CCDC88C: variants seen among roughly 807,000 people sequenced by gnomAD.
CCDC88C encodes the protein coiled-coil and HOOK domain protein 88C.
A neutral mutation model predicts 198.8 loss-of-function variants in CCDC88C; 131 were observed. The observed-to-expected ratio is 0.66, with a 90% CI of 0.57 to 0.76. CCDC88C has a LOEUF of 0.76. Among genes scored for constraint, CCDC88C ranks in the 30% least tolerant of loss-of-function variants. The pLI is 0.00. For missense variants in CCDC88C, 2,553 were observed against 2,631.6 expected, an observed-to-expected ratio of 0.97 and a Z score of 0.65; for synonymous variants, 1,166 against 1,114.7, an observed-to-expected ratio of 1.05 and a Z score of -0.92.
rs1889770265 is a variant in CCDC88C, at chr14:91,272,355, T to C, written c.*270A>G. The C allele has an allele frequency of 1.4e-5, 7 of 484,200 alleles. 1 individual carries two copies. The highest frequency in any genetic ancestry group is 7.7e-5 in the South Asian group (3 of 38,744). 30.0% of individuals were successfully genotyped at this position (484,200 alleles called of 1,614,324 possible). A position where few individuals can be genotyped will look rare whatever the true frequency, so the allele number is the denominator to read the frequency against. ...AAGTCAGTTTGTCATTGCATCCTAATTGGTCCCCATGCTGACGTGGATTAT... is the reference window on the plus strand; with the variant it reads ...AAGTCAGTTTGTCATTGCATCCTAACTGGTCCCCATGCTGACGTGGATTAT... On this transcript the variant is annotated 3_prime_UTR_variant, in exon 30 of 30. Transcript: ENST00000389857.
At chr14:91,393,406 C>A (rs911110484) in intron 3 of CCDC88C, among the ~76,000 whole-genome samples, 1 of 152,160 alleles carries the variant, frequency 6.6e-6, no homozygotes, top group Non-Finnish European at 1.5e-5. Flanking sequence ...TTCTACCTCC[C>A]GAAGGAAGAA....
At chr14:91,302,544 G>A (rs1231646607) in intron 20 of CCDC88C, among the ~76,000 whole-genome samples, 1 of 152,138 alleles carries the variant, frequency 6.6e-6, no homozygotes, top group South Asian at 2.1e-4. Context: ...CTGACTTAAT[G>A]AATACAAAAC....
intron 3 of CCDC88C, among the ~76,000 whole-genome samples, chr14:91,363,281 T>C (rs1318178105): frequency 7.5e-6 from 1 of 132,536 alleles, no homozygotes; most frequent in Non-Finnish European, 1.5e-5. Flanking sequence ...ATTATTTTAC[T>C]TTTTTTTTTT....
intron 2 of CCDC88C, among the ~76,000 whole-genome samples, chr14:91,409,341 AT>A (rs143581007): frequency 3.3e-5 from 5 of 151,072 alleles, no homozygotes; most frequent in South Asian, 2.1e-4. Flanking sequence ...GGCCCAGCTA[AT>A]TTTTTTTTAA....
chr14:91,288,526 G>T lies in CCDC88C; in HGVS notation c.4441+579C>A, dbSNP rs1488569653. ...CAGCCCAAAATAAGCTATGTCGCTT[G>T]TCTCTATGGTACCTGCACGAATGTC... is the stretch of plus-strand genomic sequence containing the variant. On this transcript the variant is annotated intron_variant, in intron 25 of 29. Transcript: ENST00000389857. This position sits in a 1 kb window ranked among gnomAD's most constrained non-coding sequence, Gnocchi z 4.2. Among the ~76,000 whole-genome samples the T allele has an allele frequency of 1.3e-5, 2 of 152,242 alleles. No individual in the cohort carries two copies. The highest frequency in any genetic ancestry group is 2.9e-5 in the Non-Finnish European group (2 of 68,046).
rs571896627 is a variant in CCDC88C, at chr14:91,273,787, C to G, written c.5059-134G>C. Reference sequence around the variant, plus strand: ...GTTCCTGCCTGCCTTCTCCGAGGCACATGTGCCGCCTCCACCACACACACC... The same window carrying G: ...GTTCCTGCCTGCCTTCTCCGAGGCAGATGTGCCGCCTCCACCACACACACC... On this transcript the variant is annotated intron_variant, in intron 29 of 29. Coordinates refer to ENST00000389857, the MANE Select transcript of CCDC88C (RefSeq NM_001080414.4). The surrounding 1 kb of genome is among the most constrained non-coding windows in gnomAD (Gnocchi z 5.6). 205 of 661,082 alleles carry G rather than the reference C, an allele frequency of 3.1e-4. No homozygotes were observed. The highest frequency in any genetic ancestry group is 1.6e-3 in the Middle Eastern group (4 of 2,450). The allele number at this position is 661,082 out of a possible 1,614,324, so 41.0% of individuals were successfully genotyped here.
chr14:91,303,164 G>A (rs1044342065), intron 20 of CCDC88C, among the ~76,000 whole-genome samples: 1 of 151,916 alleles, frequency 6.6e-6, no homozygotes, highest in African/African-American at 2.4e-5. Flanking sequence ...CCCAGGCCTG[G>A]CCTCAGGCCC....
At chr14:91,360,252 TCACACACACACACA>T (rs57026211) in intron 3 of CCDC88C, among the ~76,000 whole-genome samples, 3 of 144,194 alleles carry the variant, frequency 2.1e-5, no homozygotes, top group Admixed American at 6.9e-5. Flanking sequence ...GACCCCATCT[TCACACACACACACA>T]CACACACACA....
At chr14:91,406,750 A>C (rs1037395782) in intron 3 of CCDC88C, among the ~76,000 whole-genome samples, 1 of 152,340 alleles carries the variant, frequency 6.6e-6, no homozygotes, top group East Asian at 1.9e-4. Context: ...TGCCCAGGTC[A>C]TTGACAGCAC....
chr14:91,285,814 G>C (rs1261310239), intron 25 of CCDC88C: 2 of 1,288,890 alleles, frequency 1.6e-6, no homozygotes, highest in Non-Finnish European at 2.0e-6. Context: ...TTTTCAAAAA[G>C]GGACTCTTTT....
intron 25 of CCDC88C, among the ~76,000 whole-genome samples, chr14:91,286,763 T>C (rs1443127915): frequency 2.0e-5 from 3 of 152,200 alleles, no homozygotes; most frequent in Non-Finnish European, 2.9e-5. Context: ...CTGGAGGCAG[T>C]CCATGCAGTT....
intron 1 of CCDC88C, chr14:91,417,367 G>A: frequency 1.7e-6 from 1 of 597,596 alleles, no homozygotes; most frequent in Non-Finnish European, 3.0e-6. Flanking sequence ...GCCCCAGCGG[G>A]AACAGGTGTA....
At chr14:91,375,005 A>G (rs141379396) in intron 3 of CCDC88C, among the ~76,000 whole-genome samples, 2 of 152,336 alleles carry the variant, frequency 1.3e-5, no homozygotes, top group East Asian at 3.9e-4. Flanking sequence ...GTGGTATACA[A>G]CATGCCGAGG....
intron 12 of CCDC88C, among the ~76,000 whole-genome samples, chr14:91,322,013 T>A (rs1892376227): frequency 6.6e-6 from 1 of 152,038 alleles, no homozygotes; most frequent in South Asian, 2.1e-4. Context: ...GGCCCCCTCC[T>A]GCCACAAGCA....
intron 4 of CCDC88C, among the ~76,000 whole-genome samples, chr14:91,357,177 G>A (rs1415489025): frequency 6.6e-6 from 1 of 152,208 alleles, no homozygotes; most frequent in Non-Finnish European, 1.5e-5. Flanking sequence ...AGCCCTCGGA[G>A]CCTCAGTTCT....
rs999852868 is a variant in CCDC88C, at chr14:91,315,719, C to G, written c.1596G>C (p.Glu532Asp). The change falls in exon 14 of 30, where the codon GAG becomes GAC. Residue 532 changes from glutamate to aspartate, a missense_variant. Transcript: ENST00000389857. ...QSNQDLETLS[E>D]ELIREKEQLQ... ...GCTGCTCCTTCTCTCTGATCAGCTC[C>G]TCACTGAGGGTCTCCAGATCTTGGT... 6.2e-7 allele frequency: 1 copy of G among 1,613,746 alleles called. No homozygotes were observed. Among genetic ancestry groups the G allele is most frequent in the Non-Finnish European group, 8.5e-7 (1 of 1,179,854 alleles).
intron 26 of CCDC88C, among the ~76,000 whole-genome samples, chr14:91,282,206 C>T (rs947745460): frequency 2.0e-5 from 3 of 152,136 alleles, no homozygotes; most frequent in Admixed American, 6.5e-5. Flanking sequence ...TGGGAGGGTC[C>T]CTTGAGGTCA....
At chr14:91,344,145 G>A (rs1468046135) in intron 4 of CCDC88C, among the ~76,000 whole-genome samples, 1 of 152,144 alleles carries the variant, frequency 6.6e-6, no homozygotes, top group African/African-American at 2.4e-5. Context: ...AACCAAATGA[G>A]AATTCTGTAC....
At chr14:91,351,857 T>C (rs1272385613) in intron 4 of CCDC88C, among the ~76,000 whole-genome samples, 1 of 152,064 alleles carries the variant, frequency 6.6e-6, no homozygotes, top group Non-Finnish European at 1.5e-5. Flanking sequence ...CCAGGTCATG[T>C]AGAACACTTT....
Sources: allele counts gnomAD v4.1 joint callset (sites outside exome capture counted in the v4.1 genomes callset), GRCh38; gene constraint gnomAD v4.1.1; non-coding constraint Gnocchi (gnomAD v3.1); transcripts MANE v1.5; gene names NCBI Gene and HGNC (gene_info 2026-07-23, HGNC 2026-07-21).